ROBO1: variants seen among roughly 807,000 people sequenced by gnomAD.
ROBO1 encodes roundabout homolog 1.
Under a neutral mutation model 195.9 loss-of-function variants are expected in ROBO1, and 149 were observed. The observed-to-expected ratio is 0.76, with a 90% CI of 0.67 to 0.87. The LOEUF (loss-of-function observed/expected upper bound fraction) is 0.87, where lower values mean the gene tolerates loss of function less well. Among genes scored for constraint, ROBO1 ranks in the 40% least tolerant of loss-of-function variants. The pLI is 0.00. For missense variants in ROBO1, 1,933 were observed against 2,068.3 expected (o/e 0.93, Z 1.27); for synonymous variants, 816 against 733.2 (o/e 1.11, Z -1.82).
intron 2 of ROBO1, among the ~76,000 whole-genome samples, chr3:79,521,566 G>A (rs190631607): frequency 7.2e-5 from 11 of 152,232 alleles, no homozygotes; most frequent in Admixed American, 2.6e-4. Context: ...GACTACATAA[G>A]TAACACTATC....
At chr3:79,109,570 C>A (rs1400883797) in intron 3 of ROBO1, among the ~76,000 whole-genome samples, 1 of 151,876 alleles carries the variant, frequency 6.6e-6, no homozygotes, top group African/African-American at 2.4e-5. Context: ...TAAATCATTC[C>A]CATGCATGTT....
At chr3:78,942,974 G>A (rs1368999980) in intron 3 of ROBO1, among the ~76,000 whole-genome samples, 2 of 151,876 alleles carry the variant, frequency 1.3e-5, no homozygotes, top group South Asian at 2.1e-4. Flanking sequence ...CAGGACTTCG[G>A]GAGGCCAAGG....
chr3:78,626,638 G>T (rs927400900), intron 26 of ROBO1, among the ~76,000 whole-genome samples: 1 of 151,986 alleles, frequency 6.6e-6, no homozygotes, highest in Non-Finnish European at 1.5e-5. Context: ...AATGGTGCAG[G>T]AACAGCTTTT....
At chr3:79,106,810 C>A (rs1003665102) in intron 3 of ROBO1, among the ~76,000 whole-genome samples, 2 of 151,498 alleles carry the variant, frequency 1.3e-5, no homozygotes, top group African/African-American at 4.8e-5. Context: ...ATCTGAGTAT[C>A]CAAAGCAGTG....
intron 3 of ROBO1, among the ~76,000 whole-genome samples, chr3:79,068,266 C>T (rs992110881): frequency 9.9e-5 from 15 of 151,886 alleles, no homozygotes; most frequent in Admixed American, 4.6e-4. Flanking sequence ...CCAAACCCTC[C>T]ATCTACCCAG....
Position 78,943,198 on chromosome 3 carries a change from A to G in ROBO1, c.173-4271T>C, listed in dbSNP as rs577134765. 2.0e-5 allele frequency among the ~76,000 whole-genome samples: 3 copies of G among 152,328 alleles called. No homozygotes were observed. In the South Asian group the frequency reaches 6.2e-4, roughly 32 times the overall value. On this transcript the variant is annotated intron_variant, in intron 3 of 30. Transcript: ENST00000464233. Reference sequence around the variant, plus strand: ...GCCACTGCACTCCAGCCTGGGCGACAGAGAGAGACTCAGTCTCAAAAAAAA... The same window carrying G: ...GCCACTGCACTCCAGCCTGGGCGACGGAGAGAGACTCAGTCTCAAAAAAAA...
At chr3:78,843,833 C>T (rs2033457233) in intron 4 of ROBO1, among the ~76,000 whole-genome samples, 1 of 151,958 alleles carries the variant, frequency 6.6e-6, no homozygotes, top group Non-Finnish European at 1.5e-5. Context: ...ATAAATTAAG[C>T]TCTCAATCAA....
At chr3:79,310,646 A>C (rs1035957160) in intron 2 of ROBO1, among the ~76,000 whole-genome samples, 8 of 152,286 alleles carry the variant, frequency 5.3e-5, no homozygotes, top group Middle Eastern at 6.8e-3. Context: ...TTCCCAAAGA[A>C]ATGATAGATG....
chr3:79,509,242 A>AT lies in ROBO1; in HGVS notation c.88+80581dup, dbSNP rs1483667051. Among the ~76,000 whole-genome samples the AT allele has an allele frequency of 2.4e-3, 361 of 151,780 alleles. 1 individual carries two copies. The highest frequency in any genetic ancestry group is 2.7e-3 in the Non-Finnish European group (181 of 67,918). On this transcript the variant is annotated intron_variant, in intron 2 of 30. Coordinates refer to ENST00000464233, the MANE Select transcript of ROBO1 (RefSeq NM_002941.4). ...CTGGGATTATAGCTGGTTCTACTTT[A>AT]TTATTTTTTTTTTCTGGAAGGCAGC...
At chr3:79,525,339 A>G (rs185765228) in intron 2 of ROBO1, among the ~76,000 whole-genome samples, 3 of 149,742 alleles carry the variant, frequency 2.0e-5, no homozygotes, top group South Asian at 2.1e-4. Flanking sequence ...AAATATTAAA[A>G]TAATTTTTAA....
intron 3 of ROBO1, among the ~76,000 whole-genome samples, chr3:79,042,181 A>G (rs1306528964): frequency 2.6e-5 from 4 of 152,168 alleles, no homozygotes; most frequent in East Asian, 1.9e-4. Flanking sequence ...AAACACACAC[A>G]ATTTATTCAT....
intron 1 of ROBO1, among the ~76,000 whole-genome samples, chr3:79,655,533 T>C (rs762036343): frequency 5.3e-5 from 8 of 152,058 alleles, no homozygotes; most frequent in Non-Finnish European, 7.4e-5. Flanking sequence ...GCTCTGATAC[T>C]TGCACTTAAT....
intron 1 of ROBO1, among the ~76,000 whole-genome samples, chr3:79,609,345 CAG>C (rs1944586009): frequency 6.6e-6 from 1 of 150,974 alleles, no homozygotes; most frequent in Admixed American, 6.6e-5. Flanking sequence ...ATCAAAGAGA[CAG>C]AAAATAAGTG....
intron 14 of ROBO1, among the ~76,000 whole-genome samples, chr3:78,667,521 T>A (rs1187819605): frequency 6.6e-6 from 1 of 152,026 alleles, no homozygotes; most frequent in Non-Finnish European, 1.5e-5. Context: ...TAACTATTCT[T>A]TTTTTTGTAC....
chr3:79,157,013 A>G (rs571520484), intron 2 of ROBO1, among the ~76,000 whole-genome samples: 19 of 152,028 alleles, frequency 1.2e-4, no homozygotes, highest in African/African-American at 4.6e-4. Context: ...GAAGTGCAGC[A>G]AACTGCACAC....
chr3:79,438,231 T>C lies in ROBO1; in HGVS notation c.88+151593A>G, dbSNP rs2038948465. On this transcript the variant is annotated intron_variant, in intron 2 of 30. Transcript: ENST00000464233. ...ACCTGCATTTTTATTTGTATAGTCT[T>C]AGAAGCATAACGAGTCAAAGCCATA... Among the ~76,000 whole-genome samples the C allele has an allele frequency of 2.0e-5, 3 of 152,068 alleles. No homozygotes were observed. The South Asian group carries it at 6.2e-4, about 32-fold the overall frequency.
intron 23 of ROBO1, among the ~76,000 whole-genome samples, chr3:78,635,336 GTTTAA>G (rs773341197): frequency 6.6e-6 from 1 of 152,038 alleles, no homozygotes; most frequent in Non-Finnish European, 1.5e-5. Flanking sequence ...TCCAGTTCAA[GTTTAA>G]TTTAATTATT....
At chr3:78,843,824 TA>T (rs2033456407) in intron 4 of ROBO1, among the ~76,000 whole-genome samples, 2 of 152,086 alleles carry the variant, frequency 1.3e-5, no homozygotes, top group Non-Finnish European at 2.9e-5. Context: ...ACCTATATAA[TA>T]AATTAAGCTC....
intron 1 of ROBO1, among the ~76,000 whole-genome samples, chr3:79,648,038 T>C (rs1240167571): frequency 6.6e-6 from 1 of 152,106 alleles, no homozygotes; most frequent in Non-Finnish European, 1.5e-5. Flanking sequence ...TTGGTTTTGC[T>C]ATATGTCTTT....
Sources: gnomAD v4.1 joint callset for allele counts (sites outside exome capture counted in the v4.1 genomes callset) on GRCh38, gnomAD v4.1.1 for gene constraint, MANE v1.5 for transcripts, NCBI Gene and HGNC (gene_info 2026-07-23, HGNC 2026-07-21) for gene names.